DDX47: variants seen among roughly 807,000 people sequenced by gnomAD.
The protein encoded by DDX47 is DEAD-box helicase 47, also known as probable ATP-dependent RNA helicase DDX47.
In DDX47, 60 loss-of-function variants were observed where a neutral mutation model predicts 58.8. The ratio of observed to expected loss-of-function variants is 1.02; its 90% CI spans 0.83 to 1.26. The LOEUF is 1.26. DDX47 is among the 50% of genes most tolerant of loss of function. The probability of loss-of-function intolerance (pLI) is 0.00; values close to 1 mark genes in which losing one functional copy is unlikely to be tolerated. For synonymous variants in DDX47, 197 were observed against 204.6 expected, an observed-to-expected ratio of 0.96 and a Z score of 0.32; for missense variants, 530 against 573.2, an observed-to-expected ratio of 0.92 and a Z score of 0.77.
chr12:12,825,867 G>T, intron 9 of DDX47, 133 bp from the exon 10 acceptor site: 2 of 629,902 alleles, frequency 3.2e-6, no homozygotes, highest in Admixed American at 3.4e-5. Flanking sequence ...AAATTGCCCC[G>T]GCCATTTATT....
intron 2 of DDX47, among the ~76,000 whole-genome samples, chr12:12,817,348 G>A (rs1300855631): frequency 2.0e-5 from 3 of 152,262 alleles, no homozygotes; most frequent in Admixed American, 2.0e-4. Context: ...GCCTGAATTT[G>A]AACATAGAAT....
rs748648681 is a variant in DDX47 at position 12,821,976 on chromosome 12, C to T, written c.454C>T (p.Arg152Ter). The change falls in exon 5 of 12, where the codon CGA (arginine) becomes TGA (stop). Residue 152 changes from arginine (R) to a stop codon, truncating the protein, a stop_gained. Transcript: ENST00000358007. LOFTEE classifies it high-confidence loss of function. ...ACCTTTCTTGGTAGCAACTCCTGGTCGACTGATTGACCACTTGGAAAATAC... is the reference window on the plus strand; with the variant it reads ...ACCTTTCTTGGTAGCAACTCCTGGTTGACTGATTGACCACTTGGAAAATAC... ...KPHIIIATPG[R>*]LIDHLENTKG... 2.0e-5 allele frequency: 32 copies of T among 1,611,764 alleles called. No homozygotes were observed. Among genetic ancestry groups the T allele is most frequent in the Non-Finnish European group, 2.5e-5 (29 of 1,178,466 alleles).
chr12:12,827,731 T>A (rs1406507213), intron 11 of DDX47, among the ~76,000 whole-genome samples: 1 of 152,154 alleles, frequency 6.6e-6, no homozygotes, highest in Non-Finnish European at 1.5e-5. Flanking sequence ...ACCTGTAAAT[T>A]GGGAATAACA....
Position 12,824,530 on chromosome 12 carries a change from A to G in DDX47, c.898-10A>G. On this transcript the variant is annotated splice_polypyrimidine_tract_variant and intron_variant, in intron 8 of 11. Coordinates refer to ENST00000358007, the MANE Select transcript of DDX47 (RefSeq NM_016355.4). The stretch of plus-strand genomic sequence containing the variant: ...TTAAGTTTTCCAACATTTCTTTTTC[A>G]TTACCTCAGAGTAAGCGCCTAGGAT... 1.3e-6 allele frequency: 2 copies of G among 1,597,512 alleles called. No individual in the cohort carries two copies. The highest frequency in any genetic ancestry group is 1.7e-6 in the Non-Finnish European group (2 of 1,175,896).
intron 2 of DDX47, among the ~76,000 whole-genome samples, chr12:12,817,637 G>A (rs993496314): frequency 2.0e-5 from 3 of 152,272 alleles, no homozygotes; most frequent in East Asian, 1.9e-4. Context: ...GCTTATGTTC[G>A]GTGCCAGCAA....
intron 5 of DDX47, 48 bp downstream of exon 5, chr12:12,822,131 G>A (rs1862984271): frequency 7.1e-7 from 1 of 1,413,768 alleles, no homozygotes; most frequent in Admixed American, 1.8e-5. Flanking sequence ...CAAGGTTCCT[G>A]TTTCAAAATT....
chr12:12,827,869 C>CTTTTTTTTTTTT (rs1354059622), intron 11 of DDX47, among the ~76,000 whole-genome samples: 1 of 109,708 alleles, frequency 9.1e-6, no homozygotes. Context: ...CAAAACTTTT[C>CTTTTTTTTTTTT]TTTTTTCTTT....
chr12:12,813,977 C>G (rs960807563), intron 1 of DDX47, among the ~76,000 whole-genome samples, 154 bp from the exon 2 acceptor site: 1 of 152,206 alleles, frequency 6.6e-6, no homozygotes, highest in African/African-American at 2.4e-5. Context: ...GCTACTGTCT[C>G]ATGGTATAGT....
At chr12:12,818,659 C>CT (rs933335743) in intron 2 of DDX47, among the ~76,000 whole-genome samples, 51 of 152,132 alleles carry the variant, frequency 3.4e-4, no homozygotes, top group African/African-American at 1.2e-3. Context: ...TATGTTAGTC[C>CT]TTTTTCACAC....
At chr12:12,827,439 A>G in intron 11 of DDX47, 64 bp downstream of exon 11, 1 of 1,551,108 alleles carries the variant, frequency 6.4e-7, no homozygotes, top group Non-Finnish European at 8.8e-7. Context: ...CCACTTTATT[A>G]TATTAACCCT....
At chr12:12,827,722 C>G (rs1201442116) in intron 11 of DDX47, among the ~76,000 whole-genome samples, 2 of 152,088 alleles carry the variant, frequency 1.3e-5, no homozygotes, top group Admixed American at 1.3e-4. Flanking sequence ...CAGTTTCTCA[C>G]CTGTAAATTG....
In DDX47 at chr12:12,827,395, C is replaced by T; in HGVS notation, c.1236+20C>T. ...CGAATGGTATGCATCTTTCTTTTCT[C>T]ACCAGTGTCTGTGCAAACAATGTTA... On this transcript the variant is annotated intron_variant, in intron 11 of 11. Coordinates refer to ENST00000358007, the MANE Select transcript of DDX47 (RefSeq NM_016355.4). The T allele has an allele frequency of 6.2e-7, 1 of 1,613,254 alleles. No individual in the cohort carries two copies. The highest frequency in any genetic ancestry group is 8.5e-7 in the Non-Finnish European group (1 of 1,179,596).
chr12:12,814,098 T>A, intron 1 of DDX47, 33 bp from the exon 2 acceptor site: 1 of 1,432,580 alleles, frequency 7.0e-7, no homozygotes, highest in Non-Finnish European at 9.9e-7. Context: ...GGTGTGCTGT[T>A]CTTGGCTAAG....
rs748094560 is a variant in DDX47 at position 12,822,723 on chromosome 12, G to A, written c.624G>A (p.Met208Ile). 6.2e-7 allele frequency: 1 copy of A among 1,613,502 alleles called. No homozygotes were observed. The highest frequency in any genetic ancestry group is 8.5e-7 in the Non-Finnish European group (1 of 1,179,670). ...DRKTFLFSAT[M>I]TKKVQKLQRA... Reference sequence around the variant, plus strand: ...AAACATTCCTCTTCTCTGCCACCATGACCAAGAAGGTGAAATTTGCTAGGA... The same window carrying A: ...AAACATTCCTCTTCTCTGCCACCATAACCAAGAAGGTGAAATTTGCTAGGA... Residue 208 changes from methionine to isoleucine, a missense_variant, in exon 6 of 12, where the codon ATG (methionine) becomes ATA (isoleucine). Transcript: ENST00000358007.
chr12:12,818,258 A>G (rs1862925271), intron 2 of DDX47, among the ~76,000 whole-genome samples: 1 of 152,192 alleles, frequency 6.6e-6, no homozygotes, highest in Admixed American at 6.5e-5. Flanking sequence ...GTGGTGGCTC[A>G]CGCCTGTAAT....
At chr12:12,824,394 G>T in intron 8 of DDX47, 146 bp from the exon 9 acceptor site, 1 of 771,652 alleles carries the variant, frequency 1.3e-6, no homozygotes, top group Admixed American at 3.5e-5. Context: ...CCATATTTCT[G>T]TTTTGACCTG....
In DDX47 at chr12:12,829,283, G is replaced by A. The variant is rs117857453; in HGVS notation, c.1237-140G>A. 7.1e-3 allele frequency: 5,600 copies of A among 788,818 alleles called. 36 individuals are homozygous for A. Among genetic ancestry groups the A allele is most frequent in the Non-Finnish European group, 8.3e-3 (4,369 of 529,490 alleles). The allele number at this position is 788,818 out of a possible 1,614,324, so 48.9% of individuals were successfully genotyped here. ...ATAAGGTTAACATCTTTGTATATTT[G>A]GAGTTGGGTCTTGTTCCTTTGCTAA... On this transcript the variant is annotated intron_variant, in intron 11 of 11. Coordinates refer to ENST00000358007, the MANE Select transcript of DDX47 (RefSeq NM_016355.4).
At chr12:12,815,439 G>T (rs1862881719) in intron 2 of DDX47, among the ~76,000 whole-genome samples, 1 of 152,150 alleles carries the variant, frequency 6.6e-6, no homozygotes, top group South Asian at 2.1e-4. Flanking sequence ...CTATTAAAGA[G>T]ATAATTATAA....
intron 10 of DDX47, chr12:12,826,366 G>GT (rs944751076): frequency 1.7e-4 from 34 of 204,328 alleles, no homozygotes; most frequent in South Asian, 3.2e-4. Flanking sequence ...ATTTCCAATT[G>GT]TTTTTTTTAA....
Sources: gnomAD v4.1 joint callset for allele counts (sites outside exome capture counted in the v4.1 genomes callset) on GRCh38, gnomAD v4.1.1 for gene constraint, MANE v1.5 for transcripts, NCBI Gene and HGNC (gene_info 2026-07-23, HGNC 2026-07-21) for gene names.